The following SAMD5 variants were observed in gnomAD, a reference collection of about 807,000 sequenced individuals.
SAMD5 encodes sterile alpha motif domain-containing protein 5.
A neutral mutation model predicts 11.3 loss-of-function variants in SAMD5; 13 were observed. The ratio of observed to expected loss-of-function variants is 1.15; its 90% CI spans 0.75 to 1.83. The LOEUF (loss-of-function observed/expected upper bound fraction) is 1.83. Among genes scored for constraint, SAMD5 ranks in the 40% most tolerant of loss-of-function variants. The probability of loss-of-function intolerance (pLI) is 0.00; values close to 1 mark genes in which losing one functional copy is unlikely to be tolerated. For missense variants in SAMD5, 255 were observed against 239.1 expected (o/e 1.07, Z -0.44); for synonymous variants, 129 against 111.3 (o/e 1.16, Z -1.00).
In SAMD5 at chr6:147,712,822, A is replaced by AAAG. The variant is rs58115947; in HGVS notation, c.163-24495_163-24494insAAG. Among the ~76,000 whole-genome samples the AAAG allele has an allele frequency of 2.0e-3, 301 of 151,510 alleles. 4 individuals carry two copies. Among genetic ancestry groups the AAAG allele is most frequent in the African/African-American group, 6.8e-3 (278 of 40,978 alleles). ...CTCTGGAACTATAAAAAAAAAAAAA[A>AAAG]GTCTGTTGTTTAAGCCACCAAGTCT... On this transcript the variant is annotated intron_variant, in intron 1 of 1. Coordinates refer to the SAMD5 transcript ENST00000566741.
At chr6:147,515,176 GTTTTTTTTTTTTTTTTTT>G (rs71031029) in intron 1 of SAMD5, among the ~76,000 whole-genome samples, 2 of 75,018 alleles carry the variant, frequency 2.7e-5, no homozygotes, top group African/African-American at 4.9e-5. Context: ...ATCCTTCCAG[GTTTTTTTTTTTTTTTTTT>G]TTTTTTTTTT....
At chr6:147,700,955 G>C (rs1445581627) in intron 1 of SAMD5, among the ~76,000 whole-genome samples, 1 of 152,182 alleles carries the variant, frequency 6.6e-6, no homozygotes, top group Non-Finnish European at 1.5e-5. Flanking sequence ...GGAGAAGCAA[G>C]AGTCTTGTTA....
chr6:147,799,199 G>T, the SAMD5 span, among the ~76,000 whole-genome samples: 3 of 151,958 alleles, frequency 2.0e-5, no homozygotes, highest in African/African-American at 7.3e-5. Context: ...TTTTGCAGCG[G>T]CTGGTACCAG....
the SAMD5 span, among the ~76,000 whole-genome samples, chr6:147,901,205 T>A: frequency 6.6e-6 from 1 of 152,198 alleles, no homozygotes; most frequent in Non-Finnish European, 1.5e-5. Context: ...CCTAAAGAAT[T>A]GGGAATAATG....
At chr6:147,941,414 C>G in the SAMD5 span, among the ~76,000 whole-genome samples, 15,585 of 152,262 alleles carry the variant, frequency 0.1, 869 homozygotes, top group Non-Finnish European at 0.12. Context: ...AAGCTGGAAC[C>G]CTCCCTGGCA....
chr6:147,606,437 C>G (rs1789702598), intron 1 of SAMD5, among the ~76,000 whole-genome samples: 1 of 152,014 alleles, frequency 6.6e-6, no homozygotes, highest in Middle Eastern at 3.5e-3. Flanking sequence ...TGAGATTAGG[C>G]AGGCCTGATG....
chr6:147,564,515 A>G lies in SAMD5; in HGVS notation c.*59A>G. Reference sequence around the variant, plus strand: ...AGGTGCCTGAAGACTGGAAAAGGGCATATTTAGAACCTTCTTTCAAAAAGG... The same window carrying G: ...AGGTGCCTGAAGACTGGAAAAGGGCGTATTTAGAACCTTCTTTCAAAAAGG... On this transcript the variant is annotated 3_prime_UTR_variant, in exon 2 of 2. Transcript: ENST00000367474. The G allele has an allele frequency of 2.3e-6, 2 of 873,588 alleles. No individual in the cohort carries two copies. The allele number at this position is 873,588 out of a possible 1,614,324, so 54.1% of individuals were successfully genotyped here.
the SAMD5 span, among the ~76,000 whole-genome samples, chr6:147,745,798 A>C: frequency 4.1e-5 from 5 of 121,450 alleles, no homozygotes; most frequent in Non-Finnish European, 8.6e-5. Context: ...TTTTTTTTTG[A>C]AACAGGATTT....
At chr6:147,768,199 C>T in the SAMD5 span, among the ~76,000 whole-genome samples, 6 of 152,244 alleles carry the variant, frequency 3.9e-5, no homozygotes, top group East Asian at 9.6e-4. Flanking sequence ...AAAGAAGAGG[C>T]TAGGCACAGT....
At chr6:147,555,833 A>G (rs996874876) in intron 1 of SAMD5, among the ~76,000 whole-genome samples, 57 of 152,204 alleles carry the variant, frequency 3.7e-4, no homozygotes, top group African/African-American at 1.4e-3. Flanking sequence ...TATTAAAATG[A>G]ATATCTACAA....
the SAMD5 span, among the ~76,000 whole-genome samples, chr6:147,753,217 T>C: frequency 6.6e-6 from 1 of 152,198 alleles, no homozygotes; most frequent in African/African-American, 2.4e-5. Flanking sequence ...CACTGGGAAG[T>C]GCAGAGTTCA....
At chr6:147,758,857 G>T in the SAMD5 span, among the ~76,000 whole-genome samples, 1 of 152,172 alleles carries the variant, frequency 6.6e-6, no homozygotes, top group Admixed American at 6.5e-5. Context: ...TCTGAAAGAA[G>T]GGTACTCTGT....
the SAMD5 span, among the ~76,000 whole-genome samples, chr6:147,949,075 G>A: frequency 9.2e-5 from 14 of 152,308 alleles, no homozygotes; most frequent in Admixed American, 3.9e-4. Flanking sequence ...ACCCACAGAC[G>A]TGTGAACCAA....
intron 1 of SAMD5, among the ~76,000 whole-genome samples, chr6:147,723,122 G>A (rs1046273223): frequency 6.6e-6 from 1 of 152,196 alleles, no homozygotes; most frequent in African/African-American, 2.4e-5. Context: ...GGCCAGTGGT[G>A]TGAGGAGTTC....
At chr6:147,690,507 G>T (rs1455082666) in intron 1 of SAMD5, among the ~76,000 whole-genome samples, 1 of 152,022 alleles carries the variant, frequency 6.6e-6, no homozygotes, top group African/African-American at 2.4e-5. Context: ...AAATTAGCCG[G>T]GCGTGGTGGC....
At chr6:147,639,303 A>G (rs1314867914) in intron 1 of SAMD5, among the ~76,000 whole-genome samples, 1 of 152,240 alleles carries the variant, frequency 6.6e-6, no homozygotes, top group African/African-American at 2.4e-5. Context: ...AATGAGAAAC[A>G]TTATTCATTA....
intron 1 of SAMD5, among the ~76,000 whole-genome samples, chr6:147,717,519 G>A (rs1791485379): frequency 6.6e-6 from 1 of 152,136 alleles, no homozygotes; most frequent in African/African-American, 2.4e-5. Flanking sequence ...AGATATTTTT[G>A]CTCAGGAATC....
intron 1 of SAMD5, among the ~76,000 whole-genome samples, chr6:147,724,481 G>A (rs1196987381): frequency 6.6e-6 from 1 of 152,092 alleles, no homozygotes; most frequent in Non-Finnish European, 1.5e-5. Flanking sequence ...TTTACTTGTT[G>A]CCTGAAACAA....
At chr6:147,878,596 C>CATATATATATAGATATATATGT in the SAMD5 span, among the ~76,000 whole-genome samples, 1 of 143,672 alleles carries the variant, frequency 7.0e-6, no homozygotes, top group African/African-American at 2.6e-5. Flanking sequence ...GATATATATA[C>CATATATATATAGATATATATGT]ATATATATCT....
Sources: gnomAD v4.1 joint callset for allele counts (sites outside exome capture counted in the v4.1 genomes callset) on GRCh38, gnomAD v4.1.1 for gene constraint, MANE v1.5 for transcripts, NCBI Gene and HGNC (gene_info 2026-07-23, HGNC 2026-07-21) for gene names.